The following GALNT17 variants were observed in gnomAD, a reference collection of about 807,000 sequenced individuals.
GALNT17 encodes the protein polypeptide N-acetylgalactosaminyltransferase 17.
A neutral mutation model predicts 63.7 loss-of-function variants in GALNT17; 29 were observed. That is an observed-to-expected ratio of 0.46 (90% CI 0.34 to 0.62). The LOEUF (loss-of-function observed/expected upper bound fraction) is 0.62, where lower values mean the gene tolerates loss of function less well. Among genes scored for constraint, GALNT17 ranks in the 20% least tolerant of loss-of-function variants. The pLI, the probability that GALNT17 is intolerant of heterozygous loss-of-function variation, is 0.01. For synonymous variants in GALNT17, 305 were observed against 318.3 expected (o/e 0.96, Z 0.45); for missense variants, 603 against 799.6 (o/e 0.75, Z 2.97).
chr7:71,492,372 C>A (rs1351586990), intron 5 of GALNT17, among the ~76,000 whole-genome samples: 3 of 152,128 alleles, frequency 2.0e-5, no homozygotes, highest in African/African-American at 7.2e-5. Flanking sequence ...GATCTCTGTG[C>A]CTGTTTTAGG....
chr7:71,456,412 G>C (rs1034480831), intron 5 of GALNT17, among the ~76,000 whole-genome samples: 3 of 151,778 alleles, frequency 2.0e-5, no homozygotes, highest in Non-Finnish European at 4.4e-5. Context: ...TTTAAAATGA[G>C]CCTTGGCCGG....
intron 5 of GALNT17, among the ~76,000 whole-genome samples, chr7:71,501,136 T>C (rs764541852): frequency 6.6e-6 from 1 of 151,572 alleles, no homozygotes; most frequent in Non-Finnish European, 1.5e-5. Context: ...GCTCAGCTAA[T>C]TTTTGTATTT....
intron 1 of GALNT17, among the ~76,000 whole-genome samples, chr7:71,296,558 G>A (rs561935636): frequency 7.1e-4 from 108 of 152,040 alleles, no homozygotes; most frequent in African/African-American, 2.6e-3. Context: ...GGAGGTTGCA[G>A]TGAGCCGAGA....
intron 5 of GALNT17, among the ~76,000 whole-genome samples, chr7:71,521,940 A>G (rs998536434): frequency 6.6e-6 from 1 of 152,218 alleles, no homozygotes; most frequent in African/African-American, 2.4e-5. Context: ...ACGTTAGATC[A>G]TAAGGGCCCC....
chr7:71,574,052 T>C (rs921851120), intron 6 of GALNT17, among the ~76,000 whole-genome samples: 58 of 152,360 alleles, frequency 3.8e-4, no homozygotes, highest in African/African-American at 1.3e-3. Context: ...TCTTTACCTG[T>C]TCTGCCATTG....
intron 6 of GALNT17, among the ~76,000 whole-genome samples, chr7:71,620,578 A>C (rs183157757): frequency 2.8e-4 from 42 of 152,356 alleles, no homozygotes; most frequent in Admixed American, 2.6e-3. Flanking sequence ...AATTGGAATT[A>C]ACAAAAAAAG....
chr7:71,579,996 A>C (rs1291313857), intron 6 of GALNT17, among the ~76,000 whole-genome samples: 1 of 152,050 alleles, frequency 6.6e-6, no homozygotes, highest in Non-Finnish European at 1.5e-5. Context: ...AATGATAGAG[A>C]TAGTAGGTAA....
intron 6 of GALNT17, among the ~76,000 whole-genome samples, chr7:71,593,812 CTT>C (rs1789847604): frequency 6.6e-6 from 1 of 152,178 alleles, no homozygotes; most frequent in Non-Finnish European, 1.5e-5. Flanking sequence ...AGAAATACAG[CTT>C]TGTGCTTTCT....
At chr7:71,634,027 T>G (rs1235593546) in intron 6 of GALNT17, among the ~76,000 whole-genome samples, 1 of 152,188 alleles carries the variant, frequency 6.6e-6, no homozygotes, top group African/African-American at 2.4e-5. Flanking sequence ...AATACTGTGG[T>G]CTTTCTTTAT....
intron 2 of GALNT17, among the ~76,000 whole-genome samples, chr7:71,379,142 G>A (rs7786264): frequency 0.36 from 54,520 of 152,042 alleles, 10,771 homozygotes; most frequent in Non-Finnish European, 0.45. Context: ...ACCAGGCTGG[G>A]CTCTGGGAAG....
chr7:71,643,056 G>A (rs935497717), intron 6 of GALNT17, among the ~76,000 whole-genome samples: 3 of 152,124 alleles, frequency 2.0e-5, no homozygotes, highest in Admixed American at 6.6e-5. Context: ...GATGAACTTC[G>A]TCGATAGGAT....
intron 1 of GALNT17, among the ~76,000 whole-genome samples, chr7:71,144,954 T>A (rs969941984): frequency 2.0e-5 from 3 of 152,134 alleles, no homozygotes; most frequent in Non-Finnish European, 2.9e-5. Context: ...GGTCTTGATC[T>A]CCTGACTTCG....
intron 1 of GALNT17, among the ~76,000 whole-genome samples, chr7:71,197,678 A>T (rs1307237928): frequency 2.0e-5 from 3 of 151,982 alleles, no homozygotes; most frequent in Non-Finnish European, 2.9e-5. Context: ...AGCCTCCACA[A>T]ATAAGGGAGA....
intron 1 of GALNT17, among the ~76,000 whole-genome samples, chr7:71,205,800 T>A (rs1006814053): frequency 2.6e-5 from 4 of 152,274 alleles, no homozygotes; most frequent in East Asian, 3.9e-4. Flanking sequence ...TTTAAGTGAT[T>A]ATTGTTTTAC....
rs535359961 is a variant in GALNT17, at chr7:71,553,944, C to T, written c.963-17341C>T. Among the ~76,000 whole-genome samples, 125 of 152,314 alleles carry T rather than the reference C, an allele frequency of 8.2e-4. 1 individual carries two copies. In the South Asian group the frequency reaches 0.025, roughly 31 times the overall value. On this transcript the variant is annotated intron_variant, in intron 5 of 10. Coordinates refer to ENST00000333538, the MANE Select transcript of GALNT17 (RefSeq NM_022479.3). Reference sequence around the variant, plus strand: ...GGGAGCTGGTGCTGCCTTGGGGCAACGAGAGAGGTGTCTGGGCTGCGCCTG... The same window carrying T: ...GGGAGCTGGTGCTGCCTTGGGGCAATGAGAGAGGTGTCTGGGCTGCGCCTG...
At chr7:71,364,019 A>G (rs556179802) in intron 2 of GALNT17, among the ~76,000 whole-genome samples, 20 of 151,992 alleles carry the variant, frequency 1.3e-4, no homozygotes, top group Non-Finnish European at 2.6e-4. Context: ...ACATATATAC[A>G]TGTTTTTTTC....
chr7:71,384,446 A>AG (rs1792902609), intron 2 of GALNT17, among the ~76,000 whole-genome samples: 1 of 152,098 alleles, frequency 6.6e-6, no homozygotes, highest in South Asian at 2.1e-4. Flanking sequence ...GAGGATGTCA[A>AG]GGTGGTGTTC....
At chr7:71,616,291 C>A (rs77062762) in intron 6 of GALNT17, among the ~76,000 whole-genome samples, 16 of 152,020 alleles carry the variant, frequency 1.1e-4, no homozygotes, top group Non-Finnish European at 1.9e-4. Context: ...TTCTTTCCCC[C>A]CCGTCCTCTC....
chr7:71,191,519 T>A (rs566438788), intron 1 of GALNT17, among the ~76,000 whole-genome samples: 8 of 152,354 alleles, frequency 5.3e-5, no homozygotes, highest in African/African-American at 1.9e-4. Context: ...TGCATGTGGC[T>A]ATGTTTCAAT....
Sources: allele counts gnomAD v4.1 joint callset (sites outside exome capture counted in the v4.1 genomes callset), GRCh38; gene constraint gnomAD v4.1.1; transcripts MANE v1.5; gene names NCBI Gene and HGNC (gene_info 2026-07-23, HGNC 2026-07-21).